SLC4A1AP: variants seen among roughly 807,000 people sequenced by gnomAD.
SLC4A1AP encodes solute carrier family 4 member 1 adaptor protein, also known as kanadaptin.
In SLC4A1AP, 64 loss-of-function variants were observed where a neutral mutation model predicts 89.7. That is an observed-to-expected ratio of 0.71 (90% CI 0.58 to 0.88). The LOEUF is 0.88. SLC4A1AP is among the 40% of genes least tolerant of loss of function. SLC4A1AP has a pLI of 0.00. For synonymous variants in SLC4A1AP, 366 were observed against 353.3 expected, an observed-to-expected ratio of 1.04 and a Z score of -0.40; for missense variants, 931 against 965.0, an observed-to-expected ratio of 0.96 and a Z score of 0.47.
At chr2:27,686,032 A>T (rs905474260) in intron 10 of SLC4A1AP, among the ~76,000 whole-genome samples, 2 of 152,146 alleles carry the variant, frequency 1.3e-5, no homozygotes, top group African/African-American at 4.8e-5. Flanking sequence ...TGCAGGGGTT[A>T]TTTTCCTGCT....
chr2:27,668,763 C>A, intron 3 of SLC4A1AP, 80 bp from the exon 4 acceptor site: 1 of 1,291,534 alleles, frequency 7.7e-7, no homozygotes, highest in Non-Finnish European at 1.1e-6. Flanking sequence ...TCGTATTTAA[C>A]GTTTGTTCTC....
chr2:27,667,483 T>C (rs1474195000), intron 3 of SLC4A1AP, 93 bp downstream of exon 3: 21 of 1,173,860 alleles, frequency 1.8e-5, no homozygotes, highest in Non-Finnish European at 1.1e-5. Flanking sequence ...TAAGATATGC[T>C]ATAATTTTAT....
At chr2:27,679,847 C>T (rs78276358) in intron 8 of SLC4A1AP, among the ~76,000 whole-genome samples, 2,375 of 152,130 alleles carry the variant, frequency 0.016, 70 homozygotes, top group African/African-American at 0.053. Context: ...CAGACTGAAT[C>T]GGAGATTCAT....
At chr2:27,675,718 G>A (rs565161549) in intron 6 of SLC4A1AP, 26 bp downstream of exon 6, 76 of 1,515,862 alleles carry the variant, frequency 5.0e-5, no homozygotes, top group Non-Finnish European at 6.8e-5. Context: ...GGAAGTAGCT[G>A]TGGTATTTAA....
chr2:27,687,568 G>A (rs994852534), intron 10 of SLC4A1AP, among the ~76,000 whole-genome samples: 2 of 152,122 alleles, frequency 1.3e-5, no homozygotes, highest in Non-Finnish European at 2.9e-5. Context: ...TCCAGCTTGG[G>A]CAACAGAGAA....
At chr2:27,685,425 G>C in intron 10 of SLC4A1AP, 148 bp downstream of exon 10, 1 of 1,088,914 alleles carries the variant, frequency 9.2e-7, no homozygotes, top group Non-Finnish European at 1.3e-6. Flanking sequence ...TACTTTCTTG[G>C]TCTTCTTCCT....
chr2:27,675,687 T>C, exon 6 of SLC4A1AP: 1 of 1,568,984 alleles, frequency 6.4e-7, no homozygotes, highest in South Asian at 1.2e-5. Context: ...GACCTTTGAA[T>C]CATTGGCAAG....
At chr2:27,684,338 G>T (rs112928727) in intron 9 of SLC4A1AP, among the ~76,000 whole-genome samples, 43 of 150,894 alleles carry the variant, frequency 2.8e-4, no homozygotes, top group African/African-American at 1.0e-3. Context: ...TGAGGCAGGA[G>T]AATCGCTTGA....
At position 27,664,502 on chromosome 2, in the gene SLC4A1AP, A is replaced by G. The variant is rs776293798; in HGVS notation, c.750A>G (p.Pro250=). ...CTTTTCTCAACAAAACTCGCATCCCACCTCGCACCTACTGTCGAGTCCACG... is the reference window on the plus strand; with the variant it reads ...CTTTTCTCAACAAAACTCGCATCCCGCCTCGCACCTACTGTCGAGTCCACG... Residue 250 remains proline, a synonymous_variant, in exon 1 of 14, where the codon CCA becomes CCG. Coordinates refer to ENST00000613058, the Ensembl canonical transcript of SLC4A1AP. 5 of 1,614,052 alleles carry G rather than the reference A, an allele frequency of 3.1e-6. No individual in the cohort carries two copies. The South Asian group carries it at 5.5e-5, about 18-fold the overall frequency.
intron 9 of SLC4A1AP, among the ~76,000 whole-genome samples, chr2:27,683,398 T>G (rs981598445): frequency 4.6e-5 from 7 of 152,196 alleles, no homozygotes; most frequent in African/African-American, 1.7e-4. Flanking sequence ...CAGAAATTTA[T>G]TTGTTCACAG....
intron 10 of SLC4A1AP, among the ~76,000 whole-genome samples, chr2:27,686,219 C>A (rs867370110): frequency 6.6e-6 from 1 of 152,184 alleles, no homozygotes; most frequent in Non-Finnish European, 1.5e-5. Flanking sequence ...GAATCACCTT[C>A]ATTTGTCTGG....
chr2:27,685,377 C>G (rs1675689066), intron 10 of SLC4A1AP, 100 bp downstream of exon 10: 6 of 1,463,392 alleles, frequency 4.1e-6, no homozygotes, highest in Non-Finnish European at 5.5e-6. Flanking sequence ...GTGCATTTGA[C>G]TTTGTATGTG....
intron 12 of SLC4A1AP, among the ~76,000 whole-genome samples, chr2:27,691,088 C>T (rs1675779970): frequency 6.6e-6 from 1 of 151,862 alleles, no homozygotes; most frequent in Admixed American, 6.6e-5. Flanking sequence ...CTTTCTCATT[C>T]TTTTGGAATA....
At chr2:27,675,660 A>C (rs77935269) in exon 6 of SLC4A1AP, 4 of 1,599,032 alleles carry the variant, frequency 2.5e-6, no homozygotes, top group East Asian at 2.2e-5. Flanking sequence ...GGCTGGCAAG[A>C]TTGATGAGAA....
At chr2:27,672,757 T>A (rs575526886) in intron 5 of SLC4A1AP, among the ~76,000 whole-genome samples, 25 of 152,310 alleles carry the variant, frequency 1.6e-4, no homozygotes, top group African/African-American at 5.3e-4. Flanking sequence ...TACTATTGAA[T>A]GATGTGGGTG....
intron 2 of SLC4A1AP, among the ~76,000 whole-genome samples, chr2:27,665,945 G>A (rs1675311471): frequency 6.6e-6 from 1 of 152,224 alleles, no homozygotes; most frequent in Non-Finnish European, 1.5e-5. Flanking sequence ...GTTTGGAGAA[G>A]AGAGAACAGT....
chr2:27,675,489 C>CT (rs1675503052), intron 5 of SLC4A1AP, 43 bp from the exon 6 acceptor site: 4 of 1,415,718 alleles, frequency 2.8e-6, no homozygotes, highest in Non-Finnish European at 3.8e-6. Context: ...TTTTTCTTTT[C>CT]TTTTTTAAAA....
At chr2:27,664,265 C>T (rs773126852) in exon 1 of SLC4A1AP, 9 of 1,614,070 alleles carry the variant, frequency 5.6e-6, no homozygotes, top group Non-Finnish European at 7.6e-6. Context: ...GCTTAGAGAC[C>T]CTGAAGGGCG....
At chr2:27,676,829 C>CAAAAAA (rs150750243) in intron 6 of SLC4A1AP, among the ~76,000 whole-genome samples, 2 of 96,098 alleles carry the variant, frequency 2.1e-5, no homozygotes, top group Non-Finnish European at 4.6e-5. Context: ...GACTCCATCT[C>CAAAAAA]AAAAAAAAAA....
Sources: allele counts gnomAD v4.1 joint callset (sites outside exome capture counted in the v4.1 genomes callset), GRCh38; gene constraint gnomAD v4.1.1; transcripts MANE v1.5; gene names NCBI Gene and HGNC (gene_info 2026-07-23, HGNC 2026-07-21).